UPP2: variants seen among roughly 807,000 people sequenced by gnomAD.
UPP2 encodes UPase 2.
Under a neutral mutation model 26.7 loss-of-function variants are expected in UPP2, and 23 were observed. The ratio of observed to expected loss-of-function variants is 0.86; its 90% CI spans 0.62 to 1.22. The LOEUF (loss-of-function observed/expected upper bound fraction) is 1.22. UPP2 is among the 50% of genes most tolerant of loss of function. The pLI is 0.00. For missense variants in UPP2, 387 were observed against 396.7 expected, an observed-to-expected ratio of 0.98 and a Z score of 0.21; for synonymous variants, 127 against 141.3, an observed-to-expected ratio of 0.90 and a Z score of 0.72.
chr2:158,130,225 G>A (rs900886192), intron 6 of UPP2, among the ~76,000 whole-genome samples: 3 of 152,100 alleles, frequency 2.0e-5, no homozygotes, highest in African/African-American at 4.8e-5. Context: ...GGCAAATCAC[G>A]AAGTCAGGAG....
chr2:158,000,893 T>TA (rs1421989900), intron 2 of UPP2, among the ~76,000 whole-genome samples: 1 of 152,204 alleles, frequency 6.6e-6, no homozygotes, highest in Non-Finnish European at 1.5e-5. Flanking sequence ...GTAAAGTGGA[T>TA]AAAAAATTCT....
intron 2 of UPP2, among the ~76,000 whole-genome samples, chr2:158,108,592 C>T (rs1255794498): frequency 6.6e-6 from 1 of 151,026 alleles, no homozygotes; most frequent in East Asian, 1.9e-4. Context: ...CTCTCTCACA[C>T]ACGCACACAC....
At chr2:158,089,855 T>C (rs1292933649) in intron 3 of UPP2, among the ~76,000 whole-genome samples, 1 of 152,092 alleles carries the variant, frequency 6.6e-6, no homozygotes, top group East Asian at 1.9e-4. Context: ...GTTTTTTGGG[T>C]ATATCCTGGG....
At chr2:158,099,922 G>A (rs886362179), upstream of UPP2, among the ~76,000 whole-genome samples, 1 of 152,182 alleles carries the variant, frequency 6.6e-6, no homozygotes, top group East Asian at 1.9e-4. Flanking sequence ...GGCTGTGCCT[G>A]GCACACAGCC....
At chr2:158,113,241 G>T (rs1170299168) in intron 2 of UPP2, among the ~76,000 whole-genome samples, 1 of 152,130 alleles carries the variant, frequency 6.6e-6, no homozygotes, top group Non-Finnish European at 1.5e-5. Flanking sequence ...TTGGTTTTAT[G>T]GTCAATCTGA....
intron 3 of UPP2, among the ~76,000 whole-genome samples, chr2:158,016,359 A>G (rs1022844040): frequency 2.7e-5 from 4 of 150,452 alleles, no homozygotes; most frequent in African/African-American, 9.8e-5. Flanking sequence ...TTTTTTTTTG[A>G]GACAGAATTT....
intron 3 of UPP2, among the ~76,000 whole-genome samples, chr2:158,081,234 G>A (rs2105194809): frequency 6.6e-6 from 1 of 152,222 alleles, no homozygotes; most frequent in East Asian, 1.9e-4. Flanking sequence ...CAAAGATAGA[G>A]GATATTTCTA....
upstream of UPP2, among the ~76,000 whole-genome samples, chr2:158,098,641 CCACCATTCCATTTTGTA>C (rs1200501219): frequency 7.2e-5 from 11 of 152,156 alleles, no homozygotes; most frequent in Admixed American, 2.6e-4. Flanking sequence ...TTGCTCATCC[CCACCATTCCATTTTGTA>C]CGTGTCACCT....
chr2:158,098,240 C>T (rs1346673747), upstream of UPP2, among the ~76,000 whole-genome samples: 5 of 152,214 alleles, frequency 3.3e-5, no homozygotes, highest in South Asian at 6.2e-4. Context: ...CCAAGGTCTG[C>T]GGTGACCACC....
intron 2 of UPP2, chr2:158,015,682 G>C: frequency 2.4e-6 from 1 of 409,116 alleles, no homozygotes; most frequent in Non-Finnish European, 4.9e-6. Context: ...TGAATCATGG[G>C]GCAGACTTCC....
intron 3 of UPP2, among the ~76,000 whole-genome samples, chr2:158,116,960 G>A (rs193073864): frequency 2.2e-4 from 33 of 150,598 alleles, no homozygotes; most frequent in Middle Eastern, 3.4e-3. Context: ...GACGGAGGAA[G>A]CTCAGGTGAA....
At chr2:158,044,766 C>CCG (rs1684128287) in intron 3 of UPP2, among the ~76,000 whole-genome samples, 1 of 152,098 alleles carries the variant, frequency 6.6e-6, no homozygotes, top group Admixed American at 6.6e-5. Flanking sequence ...CAAAAGGAGG[C>CCG]TCCAGAGAGA....
chr2:158,129,410 G>C (rs780049764), intron 6 of UPP2, among the ~76,000 whole-genome samples: 1 of 152,090 alleles, frequency 6.6e-6, no homozygotes, highest in Non-Finnish European at 1.5e-5. Flanking sequence ...AATCATGTGA[G>C]GCATGTAAGC....
chr2:158,082,616 A>G (rs914568610), intron 3 of UPP2, among the ~76,000 whole-genome samples: 1 of 152,158 alleles, frequency 6.6e-6, no homozygotes, highest in African/African-American at 2.4e-5. Context: ...CTAGAAGAAA[A>G]CCTAAGCAAT....
intron 3 of UPP2, among the ~76,000 whole-genome samples, chr2:158,046,123 T>C (rs1039184243): frequency 1.3e-5 from 2 of 152,226 alleles, no homozygotes; most frequent in Non-Finnish European, 2.9e-5. Flanking sequence ...AGAACTAGAC[T>C]AAAGCATGTT....
chr2:158,039,052 T>C (rs1017203811), intron 3 of UPP2, among the ~76,000 whole-genome samples: 1 of 152,196 alleles, frequency 6.6e-6, no homozygotes, highest in African/African-American at 2.4e-5. Context: ...CTGGGTAATC[T>C]TCATAATTAA....
intron 2 of UPP2, 23 bp downstream of exon 2, chr2:158,106,239 G>GA: frequency 6.3e-7 from 1 of 1,591,594 alleles, no homozygotes; most frequent in Non-Finnish European, 8.6e-7. Context: ...CTAATTTCAG[G>GA]AAAAATGATT....
At chr2:158,024,488 A>G (rs1272169607) in intron 3 of UPP2, among the ~76,000 whole-genome samples, 2 of 152,212 alleles carry the variant, frequency 1.3e-5, no homozygotes, top group East Asian at 1.9e-4. Context: ...AGTTTCCACA[A>G]CAGCCACAAG....
At chr2:158,134,710 C>T in intron 6 of UPP2, 38 bp from the exon 7 acceptor site, 1 of 1,552,224 alleles carries the variant, frequency 6.4e-7, no homozygotes, top group Non-Finnish European at 8.7e-7. Flanking sequence ...AAAAGATGAA[C>T]CCATTCATTC....
Sources: gnomAD v4.1 joint callset for allele counts (sites outside exome capture counted in the v4.1 genomes callset) on GRCh38, gnomAD v4.1.1 for gene constraint, MANE v1.5 for transcripts, NCBI Gene and HGNC (gene_info 2026-07-23, HGNC 2026-07-21) for gene names.